Variants in ABCG1 observed in about 807,000 individuals in gnomAD.
The protein encoded by ABCG1 is ATP binding cassette subfamily G member 1, also known as ATP-binding cassette sub-family G member 1.
A neutral mutation model predicts 69.2 loss-of-function variants in ABCG1; 29 were observed. The observed-to-expected ratio is 0.42, with a 90% CI of 0.31 to 0.57. ABCG1 has a LOEUF of 0.57. Among genes scored for constraint, ABCG1 ranks in the 20% least tolerant of loss-of-function variants. The pLI is 0.15. For missense variants in ABCG1, 718 were observed against 898.1 expected (o/e 0.80, Z 2.56); for synonymous variants, 370 against 374.8 (o/e 0.99, Z 0.15).
rs199773584 is a variant in ABCG1 at position 42,209,998 on chromosome 21, G to GCAGGA, written c.48+8276_48+8280dup. On this transcript the variant is annotated intron_variant, in intron 2 of 15. Transcript: ENST00000398457. The stretch of plus-strand genomic sequence containing the variant: ...GGACAATGGGTGTGAACTCGGGAGG[G>GCAGGA]CAGGATGTAGGGGCTCCAGCGATGA... 9.1e-3 allele frequency among the ~76,000 whole-genome samples: 1,390 copies of GCAGGA among 152,326 alleles called. 25 individuals carry two copies. Among genetic ancestry groups the GCAGGA allele is most frequent in the African/African-American group, 0.032 (1,314 of 41,556 alleles).
rs170436 is a variant in ABCG1 at position 42,247,755 on chromosome 21, C to T, written c.286+21841C>T. ...TGGATTCAAAATCCAAGGACATGAT[C>T]TTACAAGAGAAGAAGAGAAGAAAAA... On this transcript the variant is annotated intron_variant, in intron 2 of 14. Transcript: ENST00000398449. 2.0e-5 allele frequency among the ~76,000 whole-genome samples: 3 copies of T among 152,278 alleles called. No homozygotes were observed. The South Asian group carries it at 6.2e-4, about 32-fold the overall frequency.
chr21:42,233,905 CA>C (rs532331156), intron 2 of ABCG1, among the ~76,000 whole-genome samples: 101 of 152,204 alleles, frequency 6.6e-4, no homozygotes, highest in Non-Finnish European at 1.3e-3. Flanking sequence ...GCCTTCCAAC[CA>C]AAAAAGTCCC....
chr21:42,291,225 G>C lies in ABCG1; in HGVS notation c.1494+33G>C. 6.5e-7 allele frequency: 1 copy of C among 1,540,668 alleles called. No homozygotes were observed. Among genetic ancestry groups the C allele is most frequent in the East Asian group, 2.2e-5 (1 of 44,446 alleles). On this transcript the variant is annotated intron_variant, in intron 12 of 14. Transcript: ENST00000398449. The surrounding 1 kb of genome is among the most constrained non-coding windows in gnomAD (Gnocchi z 6.4). The stretch of plus-strand genomic sequence containing the variant: ...AGCCAGGGGCTGGAATTTGAAACGG[G>C]GGCAAGAGTTCTCCTGTACACCCTT...
At chr21:42,256,875 G>A (rs1011408076) in intron 2 of ABCG1, among the ~76,000 whole-genome samples, 4 of 152,352 alleles carry the variant, frequency 2.6e-5, no homozygotes, top group Non-Finnish European at 5.9e-5. Flanking sequence ...CTATGTCAGC[G>A]CAGCTGTCAC....
chr21:42,296,283 T>C lies in ABCG1; in HGVS notation c.1892T>C (p.Val631Ala). Residue 631 changes from valine to alanine, a missense_variant, in exon 15 of 15, where the codon GTG (valine) becomes GCG (alanine). By Grantham distance (64) the Val-to-Ala change is moderately conservative (BLOSUM62 0). Around this residue, in one of 2 missense-constraint regions of ABCG1, gnomAD observed 204 missense variants for 323.8 expected, o/e 0.63. Coordinates refer to ENST00000398449, the MANE Select transcript of ABCG1 (RefSeq NM_016818.3). This position sits in a 1 kb window ranked among gnomAD's most constrained non-coding sequence, Gnocchi z 5.4. The part of the protein sequence containing the change: ...KSEAILRELD[V>A]ENAKLYLDFI... ...GAGGCCATCCTGCGGGAGCTGGACG[T>C]GGAAAATGCCAAGCTGTACCTGGAC... is the stretch of plus-strand genomic sequence containing the variant. 6.2e-7 allele frequency: 1 copy of C among 1,614,122 alleles called. No homozygotes were observed. The highest frequency in any genetic ancestry group is 8.5e-7 in the Non-Finnish European group (1 of 1,180,014).
intron 2 of ABCG1, among the ~76,000 whole-genome samples, chr21:42,239,773 G>A (rs776373137): frequency 1.6e-4 from 24 of 152,256 alleles, no homozygotes; most frequent in African/African-American, 2.2e-4. Flanking sequence ...GCAGAAGACC[G>A]TCCGGGGCCT....
intron 2 of ABCG1, among the ~76,000 whole-genome samples, chr21:42,253,005 C>T (rs1000163422): frequency 6.6e-6 from 1 of 152,126 alleles, no homozygotes; most frequent in Admixed American, 6.5e-5. Flanking sequence ...GCAGGAGAGA[C>T]TCGCCTTCCC....
At position 42,219,219 on chromosome 21, in the gene ABCG1, G is replaced by C. The variant is rs1268271442; in HGVS notation, c.-44G>C. ...GCCTCGGCCCCGCAGCTCAAGCCTC[G>C]TCCCCGCCGCCGCCGCCGCCGCCGC... On this transcript the variant is annotated 5_prime_UTR_variant, in exon 1 of 15. Transcript: ENST00000398449. The surrounding 1 kb of genome is among the most constrained non-coding windows in gnomAD (Gnocchi z 5.3). 6.8e-7 allele frequency: 1 copy of C among 1,479,694 alleles called. No homozygotes were observed. Among genetic ancestry groups the C allele is most frequent in the Admixed American group, 2.2e-5 (1 of 44,864 alleles). The allele number at this position is 1,479,694 out of a possible 1,614,324, so 91.7% of individuals were successfully genotyped here.
chr21:42,201,121 T>G (rs1482794429), intron 1 of ABCG1, among the ~76,000 whole-genome samples: 3 of 152,076 alleles, frequency 2.0e-5, no homozygotes, highest in Non-Finnish European at 4.4e-5. Flanking sequence ...TAACTGTCAC[T>G]TGCCACTCAC....
chr21:42,253,808 G>C (rs886109582), intron 2 of ABCG1, among the ~76,000 whole-genome samples: 8 of 152,260 alleles, frequency 5.3e-5, no homozygotes, highest in African/African-American at 1.9e-4. Context: ...TGAGGAGGTC[G>C]TGTGTGCCTC....
At chr21:42,221,059 A>G (rs879514101) in intron 1 of ABCG1, 3 of 152,198 alleles carry the variant, frequency 2.0e-5, no homozygotes, top group Non-Finnish European at 4.4e-5. Flanking sequence ...TCTTGTTATC[A>G]CGTGGAGACA....
intron 2 of ABCG1, among the ~76,000 whole-genome samples, chr21:42,233,926 T>C (rs2067937817): frequency 6.6e-6 from 1 of 152,270 alleles, no homozygotes; most frequent in Admixed American, 6.5e-5. Context: ...CCCTCTCTGA[T>C]ATCTCAACTG....
intron 13 of ABCG1, among the ~76,000 whole-genome samples, chr21:42,293,553 CCACACTA>C (rs1441867200): frequency 1.4e-5 from 2 of 139,676 alleles, no homozygotes; most frequent in Non-Finnish European, 1.6e-5. Context: ...TACACACATA[CCACACTA>C]CACACTACAC....
chr21:42,284,304 C>G (rs945589933), intron 6 of ABCG1, among the ~76,000 whole-genome samples: 5 of 152,002 alleles, frequency 3.3e-5, no homozygotes, highest in Non-Finnish European at 7.3e-5. Context: ...CAGTCCTGGA[C>G]TCTGGCAGCA....
In ABCG1 at chr21:42,260,288, C is replaced by T. The variant is rs79911038; in HGVS notation, c.287-10782C>T. On this transcript the variant is annotated intron_variant, in intron 2 of 14. Coordinates refer to ENST00000398449, the MANE Select transcript of ABCG1 (RefSeq NM_016818.3). The stretch of plus-strand genomic sequence containing the variant: ...TCCACCACGGAGCCGAATGGTGGCC[C>T]GGCTGGGGCCAGGGCTCCTCTCGAG... The T allele has an allele frequency of 2.0e-3, 2,911 of 1,441,376 alleles. 50 individuals are homozygous for T. In the African/African-American group the frequency reaches 0.035, roughly 17 times the overall value. 89.3% of individuals were successfully genotyped at this position (1,441,376 alleles called of 1,614,324 possible).
chr21:42,274,505 C>T (rs926782936), intron 4 of ABCG1, among the ~76,000 whole-genome samples: 2 of 141,700 alleles, frequency 1.4e-5, no homozygotes, highest in Admixed American at 7.4e-5. Flanking sequence ...GACAGAGTCT[C>T]GCTCTGTCAC....
chr21:42,279,340 C>T (rs552673045), intron 5 of ABCG1, among the ~76,000 whole-genome samples: 4 of 152,240 alleles, frequency 2.6e-5, no homozygotes, highest in Middle Eastern at 3.4e-3. Flanking sequence ...GAGAGGGTCT[C>T]GGGGATCACC....
rs79298443 is a variant in ABCG1, at chr21:42,294,064, G to A, written c.1654-478G>A. On this transcript the variant is annotated intron_variant, in intron 13 of 14. Transcript: ENST00000398449. ...GTGCTCACTGTGAACCCTGAGTCGCGGCGGTTGCTTCGGTCTCTGGGCTGC... is the reference window on the plus strand; with the variant it reads ...GTGCTCACTGTGAACCCTGAGTCGCAGCGGTTGCTTCGGTCTCTGGGCTGC... 7.0e-3 allele frequency among the ~76,000 whole-genome samples: 1,061 copies of A among 152,068 alleles called. 14 individuals carry two copies. The highest frequency in any genetic ancestry group is 0.024 in the African/African-American group (1,014 of 41,450).
chr21:42,262,882 G>C (rs1410286982), intron 2 of ABCG1, among the ~76,000 whole-genome samples: 1 of 152,226 alleles, frequency 6.6e-6, no homozygotes, highest in Admixed American at 6.5e-5. Flanking sequence ...AGGCTGGCGC[G>C]GTGCCCACCC....
Sources: gnomAD v4.1 joint callset for allele counts (sites outside exome capture counted in the v4.1 genomes callset) on GRCh38, gnomAD v4.1.1 for gene constraint, gnomAD v4.1.1 regional missense constraint, Gnocchi (gnomAD v3.1) non-coding constraint, MANE v1.5 for transcripts, NCBI Gene and HGNC (gene_info 2026-07-23, HGNC 2026-07-21) for gene names.